ANKH: variants seen among roughly 807,000 people sequenced by gnomAD.
ANKH encodes the protein mineralization regulator ANKH.
In ANKH, 15 loss-of-function variants were observed where a neutral mutation model predicts 49.0. The ratio of observed to expected loss-of-function variants is 0.31; its 90% CI spans 0.20 to 0.47. The LOEUF (loss-of-function observed/expected upper bound fraction) is 0.47. ANKH is among the 20% of genes least tolerant of loss of function. ANKH has a pLI of 1.00. For synonymous variants in ANKH, 273 were observed against 260.0 expected, an observed-to-expected ratio of 1.05 and a Z score of -0.48; for missense variants, 429 against 652.0, an observed-to-expected ratio of 0.66 and a Z score of 3.72.
At position 14,713,904 on chromosome 5, in the gene ANKH, G is replaced by A. The variant is rs1737340379; in HGVS notation, c.1142-237C>T. On this transcript the variant is annotated intron_variant, in intron 9 of 11. Transcript: ENST00000284268. This position sits in a 1 kb window ranked among gnomAD's most constrained non-coding sequence, Gnocchi z 4.4. ...TTTGGATCTAAATGGCTGGGACCAG[G>A]CAGGCTCCTTTCTCCACTGGGACAG... 6.6e-6 allele frequency among the ~76,000 whole-genome samples: 1 copy of A among 152,242 alleles called. No individual in the cohort carries two copies. The highest frequency in any genetic ancestry group is 2.4e-5 in the African/African-American group (1 of 41,460).
At chr5:14,815,644 C>T (rs1042079135) in intron 1 of ANKH, among the ~76,000 whole-genome samples, 5 of 152,080 alleles carry the variant, frequency 3.3e-5, no homozygotes, top group African/African-American at 1.2e-4. Context: ...ACTCGTTCGC[C>T]CCTACTAAGG....
chr5:14,849,186 T>C (rs1162923775), intron 1 of ANKH, among the ~76,000 whole-genome samples: 1 of 152,210 alleles, frequency 6.6e-6, no homozygotes, highest in Non-Finnish European at 1.5e-5. Flanking sequence ...TAGTACATAC[T>C]AGAGATCAGA....
At chr5:14,742,064 G>C in intron 7 of ANKH, 142 bp from the exon 8 acceptor site, 2 of 698,306 alleles carry the variant, frequency 2.9e-6, no homozygotes, top group Non-Finnish European at 5.2e-6. Context: ...CCAGGCGGCT[G>C]TCATGTTGAG....
At chr5:14,732,310 A>C (rs1738029849) in intron 8 of ANKH, among the ~76,000 whole-genome samples, 1 of 152,106 alleles carries the variant, frequency 6.6e-6, no homozygotes, top group Non-Finnish European at 1.5e-5. Context: ...GGTCAACTAA[A>C]GAGCTTCCCC....
At chr5:14,789,270 T>A (rs1443177791) in intron 1 of ANKH, among the ~76,000 whole-genome samples, 1 of 152,142 alleles carries the variant, frequency 6.6e-6, no homozygotes, top group East Asian at 1.9e-4. Context: ...ATATATACCA[T>A]AGTATTTATT....
intron 1 of ANKH, among the ~76,000 whole-genome samples, chr5:14,842,808 C>T (rs1334800586): frequency 1.3e-5 from 2 of 152,178 alleles, no homozygotes; most frequent in African/African-American, 4.8e-5. Context: ...CATGCAGGAG[C>T]AATCATATCA....
intron 1 of ANKH, among the ~76,000 whole-genome samples, chr5:14,823,852 C>T (rs1282571754): frequency 1.9e-4 from 29 of 152,108 alleles, no homozygotes; most frequent in Non-Finnish European, 3.5e-4. Flanking sequence ...GAGGCTTGAA[C>T]CTAGGAGGTG....
In ANKH at chr5:14,757,431, T is replaced by TATATA. The variant is rs1491137786; in HGVS notation, c.432+1048_432+1049insTATAT. 4.1e-3 allele frequency among the ~76,000 whole-genome samples: 438 copies of TATATA among 106,444 alleles called. 1 individual carries two copies. The highest frequency in any genetic ancestry group is 7.4e-3 in the African/African-American group (174 of 23,586). 69.8% of individuals were successfully genotyped at this position (106,444 alleles called of 152,430 possible). A position where few individuals can be genotyped will look rare whatever the true frequency, so the allele number is the denominator to read the frequency against. On this transcript the variant is annotated intron_variant, in intron 3 of 11. Transcript: ENST00000284268. ...ATTGGAACATATATATATATATATA[T>TATATA]TTTTTTTTTTTTTTTTTTGCTAAGT...
chr5:14,769,623 T>A (rs1739370707), intron 1 of ANKH, among the ~76,000 whole-genome samples: 1 of 108,806 alleles, frequency 9.2e-6, no homozygotes, highest in African/African-American at 3.2e-5. Flanking sequence ...AAAGAAGGGG[T>A]GGTGTGTGTG....
chr5:14,790,700 G>A (rs759177168), intron 1 of ANKH, among the ~76,000 whole-genome samples: 3 of 152,274 alleles, frequency 2.0e-5, no homozygotes, highest in Non-Finnish European at 2.9e-5. Context: ...CTTCGCTTCC[G>A]GGGTTCGAGC....
At chr5:14,740,598 G>A (rs188501886) in intron 8 of ANKH, among the ~76,000 whole-genome samples, 86 of 152,348 alleles carry the variant, frequency 5.6e-4, no homozygotes, top group Non-Finnish European at 1.0e-3. Flanking sequence ...GTCATGACTC[G>A]GCAGTGTCAG....
intron 1 of ANKH, among the ~76,000 whole-genome samples, chr5:14,772,971 TG>T (rs1488103248): frequency 6.6e-6 from 1 of 152,252 alleles, no homozygotes; most frequent in Non-Finnish European, 1.5e-5. Context: ...TGCCTCCAAG[TG>T]GGACCACTGT....
chr5:14,724,055 C>T (rs1426662902), intron 8 of ANKH, among the ~76,000 whole-genome samples: 1 of 152,136 alleles, frequency 6.6e-6, no homozygotes, highest in Non-Finnish European at 1.5e-5. Context: ...TGGTGGCTCA[C>T]ACCTGTAATC....
intron 1 of ANKH, among the ~76,000 whole-genome samples, chr5:14,828,590 CTTTT>C (rs988347294): frequency 1.3e-5 from 2 of 151,878 alleles, no homozygotes; most frequent in African/African-American, 4.8e-5. Context: ...CTTTCTTCTT[CTTTT>C]TTTTAATACC....
At chr5:14,813,703 C>T (rs753163619) in intron 1 of ANKH, among the ~76,000 whole-genome samples, 12 of 152,168 alleles carry the variant, frequency 7.9e-5, no homozygotes, top group Non-Finnish European at 1.6e-4. Flanking sequence ...TCTGCCACAG[C>T]CATCAATCCA....
At chr5:14,801,125 A>C (rs1168302930) in intron 1 of ANKH, among the ~76,000 whole-genome samples, 1 of 152,250 alleles carries the variant, frequency 6.6e-6, no homozygotes, top group African/African-American at 2.4e-5. Context: ...CGAAGCCGCA[A>C]TAGCTCCAAG....
At chr5:14,717,234 AAAG>A (rs1159930918) in intron 8 of ANKH, 2 of 281,352 alleles carry the variant, frequency 7.1e-6, no homozygotes. Context: ...AGCAATAAAA[AAAG>A]ACCTGAAAGT....
At chr5:14,851,798 C>T (rs139764809) in intron 1 of ANKH, among the ~76,000 whole-genome samples, 2 of 152,314 alleles carry the variant, frequency 1.3e-5, no homozygotes, top group East Asian at 3.9e-4. Context: ...TCCCCAAATT[C>T]TCATTTAAAT....
chr5:14,819,638 G>A (rs563777680), intron 1 of ANKH, among the ~76,000 whole-genome samples: 14 of 152,214 alleles, frequency 9.2e-5, no homozygotes, highest in Admixed American at 4.6e-4. Context: ...GGCCAAGAAC[G>A]GCAGATCTCT....
Sources: gnomAD v4.1 joint callset for allele counts (sites outside exome capture counted in the v4.1 genomes callset) on GRCh38, gnomAD v4.1.1 for gene constraint, Gnocchi (gnomAD v3.1) non-coding constraint, MANE v1.5 for transcripts, NCBI Gene and HGNC (gene_info 2026-07-23, HGNC 2026-07-21) for gene names.